Variants in ZNF804B observed in about 807,000 individuals in gnomAD.
The protein encoded by ZNF804B is zinc finger 804B.
ZNF804B carries 80 observed loss-of-function variants against 101.4 expected under a neutral mutation model. The ratio of observed to expected loss-of-function variants is 0.79; its 90% CI spans 0.66 to 0.95. The LOEUF is 0.95. Ranked by LOEUF, ZNF804B falls within the 40% of genes least tolerant of loss-of-function variation. The probability of loss-of-function intolerance (pLI) is 0.00; values close to 1 mark genes in which losing one functional copy is unlikely to be tolerated. For synonymous variants in ZNF804B, 622 were observed against 558.8 expected (o/e 1.11, Z -1.59); for missense variants, 1,673 against 1,561.9 (o/e 1.07, Z -1.20).
chr7:89,194,811 C>G (rs1788520219), intron 1 of ZNF804B, among the ~76,000 whole-genome samples: 1 of 151,406 alleles, frequency 6.6e-6, no homozygotes, highest in Non-Finnish European at 1.5e-5. Context: ...TTTTTGCTTC[C>G]ATATGAACTT....
chr7:89,078,101 A>G (rs1455474166), intron 1 of ZNF804B, among the ~76,000 whole-genome samples: 1 of 152,104 alleles, frequency 6.6e-6, no homozygotes, highest in Non-Finnish European at 1.5e-5. Flanking sequence ...TTAACGTTAA[A>G]TGTTTACGAA....
At chr7:88,940,797 A>ATAATAATAG (rs1793044815) in intron 1 of ZNF804B, among the ~76,000 whole-genome samples, 1 of 147,164 alleles carries the variant, frequency 6.8e-6, no homozygotes, top group South Asian at 2.1e-4. Context: ...AATAATAATA[A>ATAATAATAG]TAATAATAAT....
At position 88,974,844 on chromosome 7, in the gene ZNF804B, G is replaced by A. The variant is rs576589961; in HGVS notation, c.108+214760G>A. ...AATGTATAATAAATTATTGTTGACG[G>A]CAGTCACCCTGTTGTGTAAGCAAGT... On this transcript the variant is annotated intron_variant, in intron 1 of 3. Transcript: ENST00000333190. Among the ~76,000 whole-genome samples, 7 of 151,238 alleles carry A rather than the reference G, an allele frequency of 4.6e-5. No individual in the cohort carries two copies. The East Asian group carries it at 1.2e-3, about 25-fold the overall frequency.
rs564619647 is a variant in ZNF804B, at chr7:89,257,111, A to AT, written c.249+38824dup. The stretch of plus-strand genomic sequence containing the variant: ...GGCTCATTAAAGAACAAATTTTGGG[A>AT]TTTTTTTTCTCATCATCTGTGCTGA... On this transcript the variant is annotated intron_variant, in intron 2 of 3. Coordinates refer to ENST00000333190, the MANE Select transcript of ZNF804B (RefSeq NM_181646.5). 6.6e-5 allele frequency among the ~76,000 whole-genome samples: 10 copies of AT among 151,970 alleles called. No homozygotes were observed. In the East Asian group the frequency reaches 9.7e-4, roughly 15 times the overall value.
chr7:89,317,593 G>A (rs990988805), intron 2 of ZNF804B, among the ~76,000 whole-genome samples: 1 of 152,226 alleles, frequency 6.6e-6, no homozygotes, highest in Admixed American at 6.5e-5. Flanking sequence ...GAGTGATAAA[G>A]AAACGGATGC....
At chr7:88,780,386 C>CTTTTTTTTTTTT (rs34619990) in intron 1 of ZNF804B, among the ~76,000 whole-genome samples, 5 of 111,184 alleles carry the variant, frequency 4.5e-5, no homozygotes, top group African/African-American at 1.0e-4. Context: ...ACTTTTTTGT[C>CTTTTTTTTTTTT]TTTTTTTTTT....
intron 1 of ZNF804B, among the ~76,000 whole-genome samples, chr7:88,840,829 C>T (rs1791283899): frequency 6.6e-6 from 1 of 152,046 alleles, no homozygotes; most frequent in Non-Finnish European, 1.5e-5. Flanking sequence ...GCTCAAAGTA[C>T]ACATTGATCT....
chr7:88,768,967 A>G (rs932271582), intron 1 of ZNF804B, among the ~76,000 whole-genome samples: 1 of 152,160 alleles, frequency 6.6e-6, no homozygotes, highest in African/African-American at 2.4e-5. Flanking sequence ...GTGGGAAACA[A>G]TGGTTCCTAA....
chr7:88,864,183 C>G lies in ZNF804B; in HGVS notation c.108+104099C>G, dbSNP rs1327442477. 2.6e-5 allele frequency among the ~76,000 whole-genome samples: 4 copies of G among 152,140 alleles called. 1 individual carries two copies. The highest frequency in any genetic ancestry group is 2.6e-4 in the Admixed American group (4 of 15,258). ...TTGTTTGTTTTTATACCTCTCACTT[C>G]TAACAATGTCTTGAGAGTAGGGACT... On this transcript the variant is annotated intron_variant, in intron 1 of 3. Coordinates refer to ENST00000333190, the MANE Select transcript of ZNF804B (RefSeq NM_181646.5).
rs149256819 is a variant in ZNF804B at position 88,796,583 on chromosome 7, T to C, written c.108+36499T>C. On this transcript the variant is annotated intron_variant, in intron 1 of 3. Transcript: ENST00000333190. ...ATTATGGCCTTCTCTCCTCTCCTGGTTTCTATGATACTGCACTTTCTTGGA... is the reference window on the plus strand; with the variant it reads ...ATTATGGCCTTCTCTCCTCTCCTGGCTTCTATGATACTGCACTTTCTTGGA... Among the ~76,000 whole-genome samples, 288 of 152,234 alleles carry C rather than the reference T, an allele frequency of 1.9e-3. 2 individuals are homozygous for C. Among genetic ancestry groups the C allele is most frequent in the African/African-American group, 6.6e-3 (276 of 41,554 alleles).
chr7:88,863,549 A>T (rs2115861964), intron 1 of ZNF804B, among the ~76,000 whole-genome samples: 1 of 152,296 alleles, frequency 6.6e-6, no homozygotes, highest in South Asian at 2.1e-4. Context: ...TTATAGTTTA[A>T]TGGTTGAAAA....
chr7:89,017,299 T>A (rs1788583979), intron 1 of ZNF804B, among the ~76,000 whole-genome samples: 1 of 152,200 alleles, frequency 6.6e-6, no homozygotes, highest in African/African-American at 2.4e-5. Context: ...CAATTTGACT[T>A]CCTCTTTTCC....
At chr7:89,020,293 T>C (rs531617378) in intron 1 of ZNF804B, among the ~76,000 whole-genome samples, 1 of 152,208 alleles carries the variant, frequency 6.6e-6, no homozygotes, top group East Asian at 1.9e-4. Context: ...AAATAATTTA[T>C]TTCTTATTCA....
intron 1 of ZNF804B, among the ~76,000 whole-genome samples, chr7:88,830,690 C>T (rs192080713): frequency 2.6e-5 from 4 of 151,996 alleles, no homozygotes; most frequent in Non-Finnish European, 1.5e-5. Flanking sequence ...CATTATTGGT[C>T]TACACTATAG....
At chr7:88,766,446 T>G (rs532839188) in intron 1 of ZNF804B, among the ~76,000 whole-genome samples, 51 of 152,348 alleles carry the variant, frequency 3.3e-4, no homozygotes, top group African/African-American at 7.5e-4. Context: ...AAATTTGATA[T>G]CTAAATTCTA....
chr7:88,992,971 T>C (rs762088016), intron 1 of ZNF804B, among the ~76,000 whole-genome samples: 35 of 152,094 alleles, frequency 2.3e-4, no homozygotes, highest in Non-Finnish European at 4.9e-4. Flanking sequence ...AAATAAGAAT[T>C]TTTTATTTGT....
chr7:88,962,693 ATGT>A (rs1793402503), intron 1 of ZNF804B, among the ~76,000 whole-genome samples: 1 of 132,888 alleles, frequency 7.5e-6, no homozygotes, highest in African/African-American at 2.7e-5. Flanking sequence ...AAAGTTATAA[ATGT>A]TGTTAAACTC....
chr7:89,027,008 T>C (rs1788762047), intron 1 of ZNF804B, among the ~76,000 whole-genome samples: 1 of 152,090 alleles, frequency 6.6e-6, no homozygotes, highest in Non-Finnish European at 1.5e-5. Flanking sequence ...ATAAAATTCC[T>C]GAGAAATATC....
At chr7:89,169,765 G>A (rs1184551725) in intron 1 of ZNF804B, among the ~76,000 whole-genome samples, 1 of 152,076 alleles carries the variant, frequency 6.6e-6, no homozygotes, top group African/African-American at 2.4e-5. Flanking sequence ...ATAATTAGAA[G>A]TAACAAGTAT....
Sources: gnomAD v4.1 joint callset for allele counts (sites outside exome capture counted in the v4.1 genomes callset) on GRCh38, gnomAD v4.1.1 for gene constraint, MANE v1.5 for transcripts, NCBI Gene and HGNC (gene_info 2026-07-23, HGNC 2026-07-21) for gene names.